BNC2: variants seen among roughly 807,000 people sequenced by gnomAD.
The protein encoded by BNC2 is zinc finger protein basonuclin-2.
BNC2 carries 20 observed loss-of-function variants against 76.3 expected under a neutral mutation model. The ratio of observed to expected loss-of-function variants is 0.26; its 90% CI spans 0.18 to 0.38. The LOEUF is 0.38. Among genes scored for constraint, BNC2 ranks in the 10% least tolerant of loss-of-function variants. BNC2 has a pLI of 1.00. For synonymous variants in BNC2, 582 were observed against 514.8 expected (o/e 1.13, Z -1.77); for missense variants, 1,382 against 1,399.8 (o/e 0.99, Z 0.20).
At chr9:16,793,026 C>T (rs1185484857) in intron 1 of BNC2, among the ~76,000 whole-genome samples, 1 of 152,144 alleles carries the variant, frequency 6.6e-6, no homozygotes, top group East Asian at 1.9e-4. Context: ...ACCAAATAGT[C>T]CTAATTATAA....
chr9:16,819,439 G>C (rs951716891), intron 1 of BNC2, among the ~76,000 whole-genome samples: 1 of 152,174 alleles, frequency 6.6e-6, no homozygotes, highest in African/African-American at 2.4e-5. Flanking sequence ...AAGCTGGGTG[G>C]ATCACCTGAG....
intron 3 of BNC2, among the ~76,000 whole-genome samples, chr9:16,638,536 CAT>C (rs1182430520): frequency 1.3e-5 from 2 of 152,142 alleles, no homozygotes; most frequent in African/African-American, 4.8e-5. Context: ...TTTTCCTACA[CAT>C]GATTCTTCAG....
intron 1 of BNC2, among the ~76,000 whole-genome samples, chr9:16,750,551 A>C (rs1331964000): frequency 6.6e-6 from 1 of 152,246 alleles, no homozygotes; most frequent in African/African-American, 2.4e-5. Flanking sequence ...TCCCTCCAGA[A>C]TGCCTGGCAT....
At chr9:16,518,183 C>A (rs1204933149) in intron 5 of BNC2, among the ~76,000 whole-genome samples, 2 of 152,130 alleles carry the variant, frequency 1.3e-5, no homozygotes, top group African/African-American at 4.8e-5. Context: ...AATCCTAGTA[C>A]TTTGGGAGGC....
intron 1 of BNC2, among the ~76,000 whole-genome samples, chr9:16,779,154 A>T (rs569920087): frequency 6.6e-6 from 1 of 151,052 alleles, no homozygotes; most frequent in Non-Finnish European, 1.5e-5. Flanking sequence ...AGAAAAAAAA[A>T]CCAGCCAAGC....
intron 3 of BNC2, among the ~76,000 whole-genome samples, chr9:16,718,535 A>C (rs1237305305): frequency 6.6e-6 from 1 of 152,112 alleles, no homozygotes; most frequent in Non-Finnish European, 1.5e-5. Flanking sequence ...AGTCAGAGAG[A>C]CTCATCCTGG....
At chr9:16,543,170 T>C (rs10756760) in intron 5 of BNC2, among the ~76,000 whole-genome samples, 22,868 of 152,220 alleles carry the variant, frequency 0.15, 2,033 homozygotes, top group East Asian at 0.22. Context: ...GAGATCATTC[T>C]ACTTCAGGAA....
intron 1 of BNC2, among the ~76,000 whole-genome samples, chr9:16,747,040 C>G (rs1381611093): frequency 1.3e-5 from 2 of 151,734 alleles, no homozygotes; most frequent in African/African-American, 4.8e-5. Context: ...ATCTGAAATT[C>G]TTCCCATTTT....
intron 1 of BNC2, chr9:16,867,954 C>A (rs942321481): frequency 7.2e-5 from 11 of 152,132 alleles, no homozygotes; most frequent in African/African-American, 2.7e-4. Context: ...ACTACCTGTC[C>A]GTGGGCTTTA....
At chr9:16,544,188 G>A (rs909848015) in intron 5 of BNC2, among the ~76,000 whole-genome samples, 1 of 152,114 alleles carries the variant, frequency 6.6e-6, no homozygotes, top group African/African-American at 2.4e-5. Context: ...ACCGATTAGA[G>A]TGCTGGTTTT....
At chr9:16,725,794 T>A (rs991369000) in intron 3 of BNC2, among the ~76,000 whole-genome samples, 2 of 152,188 alleles carry the variant, frequency 1.3e-5, no homozygotes, top group African/African-American at 4.8e-5. Flanking sequence ...CTTTATTTGT[T>A]TTTTAGTTAA....
At chr9:16,681,265 T>C (rs1319995885) in intron 3 of BNC2, among the ~76,000 whole-genome samples, 1 of 152,144 alleles carries the variant, frequency 6.6e-6, no homozygotes, top group Non-Finnish European at 1.5e-5. Context: ...AACAATTAAT[T>C]TCATACGGTG....
chr9:16,597,169 G>C (rs1203936384), intron 3 of BNC2, among the ~76,000 whole-genome samples: 1 of 152,100 alleles, frequency 6.6e-6, no homozygotes, highest in Non-Finnish European at 1.5e-5. Flanking sequence ...CAATAATTCT[G>C]AACTAGACAG....
At chr9:16,522,976 A>G (rs543695635) in intron 5 of BNC2, among the ~76,000 whole-genome samples, 1 of 152,350 alleles carries the variant, frequency 6.6e-6, no homozygotes, top group South Asian at 2.1e-4. Flanking sequence ...GGATGCTCCA[A>G]GAGTTCACTC....
chr9:16,567,168 A>C (rs1056108825), intron 4 of BNC2, among the ~76,000 whole-genome samples: 1 of 152,216 alleles, frequency 6.6e-6, no homozygotes, highest in Admixed American at 6.5e-5. Flanking sequence ...CAGGACCCCA[A>C]AATGACACTT....
intron 4 of BNC2, among the ~76,000 whole-genome samples, chr9:16,576,754 G>C (rs113000365): frequency 0.055 from 8,438 of 152,124 alleles, 831 homozygotes; most frequent in African/African-American, 0.19. Context: ...TGTTGTTGTT[G>C]TTGAGATGGA....
Position 16,436,532 on chromosome 9 carries a change from G to A in BNC2, c.1662C>T (p.Leu554=), listed in dbSNP as rs267602190. 1 of 1,614,170 alleles carries A rather than the reference G, an allele frequency of 6.2e-7. No individual in the cohort carries two copies. ...PPLDPVLQNP[L]PSQLVFSGLK... ...GCCCAGAAAATACTAGCTGGCTAGG[G>A]AGAGGATTTTGCAAGACAGGGTCTA... Residue 554 remains leucine, a synonymous_variant, in exon 6 of 7, where the codon CTC becomes CTT. Coordinates refer to ENST00000380672, the MANE Select transcript of BNC2 (RefSeq NM_017637.6).
At chr9:16,487,906 T>C (rs1822197897) in intron 5 of BNC2, among the ~76,000 whole-genome samples, 1 of 152,240 alleles carries the variant, frequency 6.6e-6, no homozygotes, top group Admixed American at 6.5e-5. Flanking sequence ...TTTCCATGGA[T>C]ATTTTACCAT....
At chr9:16,565,743 G>A (rs1404689409) in intron 4 of BNC2, among the ~76,000 whole-genome samples, 1 of 151,828 alleles carries the variant, frequency 6.6e-6, no homozygotes, top group African/African-American at 2.4e-5. Flanking sequence ...GGGAGGTCGA[G>A]GCTGCAGTGA....
Sources: gnomAD v4.1 joint callset for allele counts (sites outside exome capture counted in the v4.1 genomes callset) on GRCh38, gnomAD v4.1.1 for gene constraint, MANE v1.5 for transcripts, NCBI Gene and HGNC (gene_info 2026-07-23, HGNC 2026-07-21) for gene names.